Variants in KLF8 observed in about 807,000 individuals in gnomAD.
KLF8 encodes KLF transcription factor 8, also known as Krueppel-like factor 8.
KLF8 carries 10 observed loss-of-function variants against 18.2 expected under a neutral mutation model. That is an observed-to-expected ratio of 0.55 (90% CI 0.34 to 0.93). KLF8 has a LOEUF of 0.93. Among genes scored for constraint, KLF8 ranks in the 40% least tolerant of loss-of-function variants. The pLI is 0.02. For synonymous variants in KLF8, 109 were observed against 97.3 expected (o/e 1.12, Z -0.71); for missense variants, 264 against 277.9 (o/e 0.95, Z 0.36).
chrX:56,173,957 C>A, the KLF8 span, among the ~76,000 whole-genome samples: 1 of 112,053 alleles, frequency 8.9e-6, no homozygotes, highest in Admixed American at 9.5e-5. Context: ...TATCCTGAGA[C>A]TTTGCTGAAG....
the KLF8 span, among the ~76,000 whole-genome samples, chrX:56,106,820 T>C: frequency 8.9e-6 from 1 of 112,605 alleles, no homozygotes; most frequent in East Asian, 2.8e-4. Flanking sequence ...TTTCAGCTTT[T>C]CTGCTCTGGT....
the KLF8 span, among the ~76,000 whole-genome samples, chrX:56,101,134 C>G: frequency 9.0e-6 from 1 of 111,122 alleles, no homozygotes; most frequent in Admixed American, 9.6e-5. Context: ...ACTTTTTCCT[C>G]TAGTAGTCTC....
rs749211448 is a variant in KLF8 at position 56,287,059 on chromosome X, A to G, written c.*2565A>G. On this transcript the variant is annotated 3_prime_UTR_variant, in exon 6 of 6. Coordinates refer to ENST00000468660, the MANE Select transcript of KLF8 (RefSeq NM_007250.5). ...AGACCTCAGAATCTTTTGCATTGAGACATATGATCTATTTATAAATAAAGG... is the reference window on the plus strand; with the variant it reads ...AGACCTCAGAATCTTTTGCATTGAGGCATATGATCTATTTATAAATAAAGG... The G allele has an allele frequency of 1.4e-4, 16 of 111,863 alleles. No individual in the cohort carries two copies. Among genetic ancestry groups the G allele is most frequent in the Admixed American group, 1.1e-3 (12 of 10,526 alleles). The allele number at this position is 111,863 out of a possible 1,213,427, so 9.2% of individuals were successfully genotyped here. A position where few individuals can be genotyped will look rare whatever the true frequency, so the allele number is the denominator to read the frequency against.
the KLF8 span, among the ~76,000 whole-genome samples, chrX:55,929,702 C>G: frequency 4.5e-5 from 5 of 111,188 alleles, no homozygotes; most frequent in East Asian, 1.1e-3. Context: ...ATTTCTGAGG[C>G]CTCTGTTCTG....
At chrX:56,150,496 C>A in the KLF8 span, among the ~76,000 whole-genome samples, 1 of 111,732 alleles carries the variant, frequency 8.9e-6, no homozygotes, top group Non-Finnish European at 1.9e-5. Context: ...TGGTACAACA[C>A]CTGGGATGTA....
chrX:56,111,875 C>T, the KLF8 span, among the ~76,000 whole-genome samples: 2 of 112,145 alleles, frequency 1.8e-5, no homozygotes, highest in Non-Finnish European at 3.8e-5. Flanking sequence ...TGCTTTTACA[C>T]TGTTGGTGGG....
At chrX:56,121,783 T>A in the KLF8 span, among the ~76,000 whole-genome samples, 2 of 112,177 alleles carry the variant, frequency 1.8e-5, no homozygotes, top group East Asian at 5.6e-4. Context: ...TAGTTGATAG[T>A]CCTTAGTAAC....
At chrX:56,270,371 CACACACACACGAGA>C in intron 5 of KLF8, 50 bp downstream of exon 5, 1 of 1,054,274 alleles carries the variant, frequency 9.5e-7, no homozygotes, top group Non-Finnish European at 1.2e-6. Flanking sequence ...CACACACACA[CACACACACACGAGA>C]GAGAGAGAGA....
At chrX:56,175,400 A>C in the KLF8 span, among the ~76,000 whole-genome samples, 1 of 111,521 alleles carries the variant, frequency 9.0e-6, no homozygotes, top group African/African-American at 3.3e-5. Flanking sequence ...CATGTAGTTG[A>C]GTGGCTTTGA....
At chrX:56,063,894 A>G in the KLF8 span, among the ~76,000 whole-genome samples, 1 of 110,240 alleles carries the variant, frequency 9.1e-6, no homozygotes, top group African/African-American at 3.3e-5. Context: ...TGGCAGCTTC[A>G]CCGAGCTGCA....
chrX:56,127,241 G>A, the KLF8 span, among the ~76,000 whole-genome samples: 3 of 111,352 alleles, frequency 2.7e-5, no homozygotes, highest in Non-Finnish European at 5.6e-5. Flanking sequence ...AAGGCATATT[G>A]TTTTGTTTAT....
At chrX:56,222,104 T>C in the KLF8 span, among the ~76,000 whole-genome samples, 1 of 111,702 alleles carries the variant, frequency 9.0e-6, no homozygotes, top group Non-Finnish European at 1.9e-5. Flanking sequence ...AGGGTGCCGA[T>C]TGGTGTGATT....
At chrX:56,061,121 GGATTCATT>G in the KLF8 span, among the ~76,000 whole-genome samples, 2 of 111,410 alleles carry the variant, frequency 1.8e-5, no homozygotes, top group African/African-American at 6.5e-5. Context: ...ACCAGCTCCT[GGATTCATT>G]GATTTTTTGA....
At chrX:56,108,786 T>A in the KLF8 span, among the ~76,000 whole-genome samples, 1 of 111,968 alleles carries the variant, frequency 8.9e-6, no homozygotes, top group Admixed American at 9.5e-5. Flanking sequence ...GTTGTGTTAT[T>A]GATTTGAGAA....
the KLF8 span, among the ~76,000 whole-genome samples, chrX:56,151,407 T>C: frequency 5.4e-5 from 6 of 111,530 alleles, no homozygotes; most frequent in Admixed American, 3.8e-4. Flanking sequence ...GTATATTGGA[T>C]TAAAGTAGAA....
chrX:55,993,931 G>A, the KLF8 span, among the ~76,000 whole-genome samples: 1 of 85,738 alleles, frequency 1.2e-5, no homozygotes, highest in African/African-American at 4.5e-5. Context: ...TTTTTTTTTA[G>A]ATGGAGTCTT....
the KLF8 span, among the ~76,000 whole-genome samples, chrX:55,994,230 AC>A: frequency 1.9e-4 from 4 of 21,327 alleles, no homozygotes; most frequent in Non-Finnish European, 1.0e-3. Flanking sequence ...GTCTTAATAG[AC>A]TTTTTTTTTT....
At chrX:56,173,144 T>C in the KLF8 span, among the ~76,000 whole-genome samples, 1 of 111,990 alleles carries the variant, frequency 8.9e-6, no homozygotes. Flanking sequence ...TTGCCATTGC[T>C]TTTGGTGTTT....
intron 1 of KLF8, among the ~76,000 whole-genome samples, chrX:56,239,806 C>T (rs1218551693): frequency 8.9e-6 from 1 of 111,954 alleles, no homozygotes; most frequent in Non-Finnish European, 1.9e-5. Context: ...TGATCTAGCT[C>T]CATTTTGTTT....
Sources: allele counts gnomAD v4.1 joint callset (sites outside exome capture counted in the v4.1 genomes callset), GRCh38; gene constraint gnomAD v4.1.1; transcripts MANE v1.5; gene names NCBI Gene and HGNC (gene_info 2026-07-23, HGNC 2026-07-21).